Variants in CCDC12 observed in about 807,000 individuals in gnomAD.
CCDC12 encodes coiled-coil domain-containing protein 12.
A neutral mutation model predicts 25.7 loss-of-function variants in CCDC12; 28 were observed. The observed-to-expected ratio is 1.09, with a 90% CI of 0.81 to 1.50. The LOEUF (loss-of-function observed/expected upper bound fraction) is 1.50, where lower values mean the gene tolerates loss of function less well. Ranked by LOEUF, CCDC12 falls within the 40% of genes most tolerant of loss-of-function variation. The pLI is 0.00. For synonymous variants in CCDC12, 75 were observed against 87.7 expected (o/e 0.86, Z 0.81); for missense variants, 198 against 210.0 (o/e 0.94, Z 0.35).
At chr3:46,964,815 T>A (rs552073324) in intron 1 of CCDC12, among the ~76,000 whole-genome samples, 1 of 152,034 alleles carries the variant, frequency 6.6e-6, no homozygotes, top group African/African-American at 2.4e-5. Flanking sequence ...CAAACACTGC[T>A]GAAGGCCGCA....
At chr3:46,941,109 T>C in intron 1 of CCDC12, 44 bp from the exon 2 acceptor site, 1 of 1,591,440 alleles carries the variant, frequency 6.3e-7, no homozygotes, top group South Asian at 1.1e-5. Context: ...TGAAAGCTCC[T>C]ACTTCCAGTC....
intron 2 of CCDC12, chr3:46,940,780 A>G: frequency 1.7e-6 from 1 of 585,682 alleles, no homozygotes; most frequent in South Asian, 2.2e-5. Context: ...GGGGCTGAGT[A>G]ACAGCCAAAT....
chr3:46,935,487 G>A (rs2033406395), intron 2 of CCDC12, among the ~76,000 whole-genome samples: 1 of 151,886 alleles, frequency 6.6e-6, no homozygotes, highest in Non-Finnish European at 1.5e-5. Flanking sequence ...CCATCAGGAA[G>A]AAGTGACGGA....
intron 1 of CCDC12, among the ~76,000 whole-genome samples, chr3:46,943,409 C>G (rs2033790043): frequency 6.6e-6 from 1 of 152,224 alleles, no homozygotes; most frequent in African/African-American, 2.4e-5. Flanking sequence ...GCGGCAGACA[C>G]CTGCCCTGGG....
intron 5 of CCDC12, chr3:46,923,037 T>C (rs367812426): frequency 2.5e-5 from 8 of 326,216 alleles, no homozygotes; most frequent in East Asian, 2.4e-4. Flanking sequence ...AAGACAGCGG[T>C]TGGCCTTGCT....
intron 1 of CCDC12, among the ~76,000 whole-genome samples, chr3:46,950,683 T>A (rs896352715): frequency 1.3e-5 from 2 of 152,190 alleles, no homozygotes; most frequent in Admixed American, 1.3e-4. Flanking sequence ...AGTGCTACAT[T>A]TTTTTGGCTA....
intron 1 of CCDC12, among the ~76,000 whole-genome samples, chr3:46,941,594 C>T (rs534961757): frequency 1.3e-5 from 2 of 151,262 alleles, no homozygotes; most frequent in Admixed American, 6.6e-5. Flanking sequence ...AAAAAAAGTC[C>T]GTAACTCCAG....
At position 46,923,318 on chromosome 3, in the gene CCDC12, G is replaced by C. The variant is rs1455563962; in HGVS notation, c.341+11C>G. On this transcript the variant is annotated intron_variant, in intron 5 of 6. Transcript: ENST00000683445. ...GTCAGCCTGCACCCGCCACGCACGG[G>C]CAACACTCACCAGTCAGGCTTCCGA... 2 of 1,484,458 alleles carry C rather than the reference G, an allele frequency of 1.3e-6. No individual in the cohort carries two copies. The highest frequency in any genetic ancestry group is 4.7e-5 in the Admixed American group (2 of 42,290). 92.0% of individuals were successfully genotyped at this position (1,484,458 alleles called of 1,614,324 possible). A position where few individuals can be genotyped will look rare whatever the true frequency, so the allele number is the denominator to read the frequency against.
Position 46,948,363 on chromosome 3 carries a change from G to GAGATA in CCDC12, c.97-7299_97-7298insTATCT, listed in dbSNP as rs1273287233. Among the ~76,000 whole-genome samples, 6 of 152,352 alleles carry GAGATA rather than the reference G, an allele frequency of 3.9e-5. No individual in the cohort carries two copies. The East Asian group carries it at 1.2e-3, about 29-fold the overall frequency. On this transcript the variant is annotated intron_variant, in intron 1 of 6. Coordinates refer to ENST00000683445, the MANE Select transcript of CCDC12 (RefSeq NM_001277074.2). ...CGCTGAGCGGGAGGCTGGGAGAACA[G>GAGATA]CGAGGCTAGAGATAAGGACTGGAGA...
intron 1 of CCDC12, among the ~76,000 whole-genome samples, chr3:46,963,659 T>C (rs1034418731): frequency 6.6e-6 from 1 of 152,250 alleles, no homozygotes; most frequent in African/African-American, 2.4e-5. Context: ...GGTTTCGCTG[T>C]GTTGGCCGGG....
At chr3:46,980,155 C>G (rs1424947907), upstream of CCDC12, among the ~76,000 whole-genome samples, 1 of 152,206 alleles carries the variant, frequency 6.6e-6, no homozygotes, top group Non-Finnish European at 1.5e-5. Context: ...AACCCACCCC[C>G]GCGAGCAGGA....
Position 46,923,311 on chromosome 3 carries a change from C to T in CCDC12, c.341+18G>A, listed in dbSNP as rs760250550. The T allele has an allele frequency of 8.1e-6, 12 of 1,478,068 alleles. No individual in the cohort carries two copies. The highest frequency in any genetic ancestry group is 4.3e-5 in the African/African-American group (3 of 70,374). The allele number at this position is 1,478,068 out of a possible 1,614,324, so 91.6% of individuals were successfully genotyped here. A position where few individuals can be genotyped will look rare whatever the true frequency, so the allele number is the denominator to read the frequency against. ...TCCCCGAGTCAGCCTGCACCCGCCA[C>T]GCACGGGCAACACTCACCAGTCAGG... On this transcript the variant is annotated intron_variant, in intron 5 of 6. Coordinates refer to ENST00000683445, the MANE Select transcript of CCDC12 (RefSeq NM_001277074.2).
intron 1 of CCDC12, among the ~76,000 whole-genome samples, chr3:46,955,056 T>C (rs2034245363): frequency 6.6e-6 from 1 of 152,234 alleles, no homozygotes; most frequent in African/African-American, 2.4e-5. Flanking sequence ...TTTTCCAATG[T>C]TAACGGCTGT....
chr3:46,952,211 C>A (rs143247364), intron 1 of CCDC12, among the ~76,000 whole-genome samples: 191 of 152,226 alleles, frequency 1.3e-3, no homozygotes, highest in Non-Finnish European at 9.1e-4. Flanking sequence ...GTAAAGGAAC[C>A]ACCTGGGGAG....
chr3:46,960,106 G>A (rs573466128), intron 1 of CCDC12, among the ~76,000 whole-genome samples: 4 of 152,196 alleles, frequency 2.6e-5, no homozygotes, highest in Admixed American at 1.3e-4. Context: ...CCCCTCCTCC[G>A]TGGATGGCAG....
At chr3:46,943,922 G>A (rs1393008417) in intron 1 of CCDC12, among the ~76,000 whole-genome samples, 1 of 152,202 alleles carries the variant, frequency 6.6e-6, no homozygotes, top group African/African-American at 2.4e-5. Context: ...GGGAGATAAG[G>A]TGTACCTCAG....
rs1232332549 is a variant in CCDC12 at position 46,950,031 on chromosome 3, AAAAAAAAAAAGAAAAG to A, written c.97-8982_97-8967del. On this transcript the variant is annotated intron_variant, in intron 1 of 6. Transcript: ENST00000683445. ...ACAGAGTGAGACTCCATCTCAAAAA[AAAAAAAAAAAGAAAAG>A]AAAAAAAAACTGCCTGCTGACATCT... 1.1e-4 allele frequency among the ~76,000 whole-genome samples: 16 copies of A among 151,448 alleles called. No individual in the cohort carries two copies. In the East Asian group the frequency reaches 3.1e-3, roughly 29 times the overall value.
chr3:46,961,448 C>A (rs2034462515), intron 1 of CCDC12, among the ~76,000 whole-genome samples: 2 of 152,238 alleles, frequency 1.3e-5, no homozygotes, highest in Middle Eastern at 3.4e-3. Flanking sequence ...CTCGGTAGGT[C>A]CAGAGTATGG....
At chr3:46,930,035 A>AG (rs969102605) in intron 2 of CCDC12, among the ~76,000 whole-genome samples, 17 of 147,228 alleles carry the variant, frequency 1.2e-4, no homozygotes, top group Non-Finnish European at 2.1e-4. Flanking sequence ...CCATCTCAAA[A>AG]AAAAAAAAAA....
Sources: gnomAD v4.1 joint callset for allele counts (sites outside exome capture counted in the v4.1 genomes callset) on GRCh38, gnomAD v4.1.1 for gene constraint, MANE v1.5 for transcripts, NCBI Gene and HGNC (gene_info 2026-07-23, HGNC 2026-07-21) for gene names.